OGG1: variants seen among roughly 807,000 people sequenced by gnomAD.
The protein encoded by OGG1 is 8-oxoguanine DNA glycosylase.
Under a neutral mutation model 42.3 loss-of-function variants are expected in OGG1, and 35 were observed. The ratio of observed to expected loss-of-function variants is 0.83; its 90% confidence interval spans 0.63 to 1.10. OGG1 has a LOEUF of 1.10. Among genes scored for constraint, OGG1 ranks in the 50% least tolerant of loss-of-function variants. The probability of loss-of-function intolerance (pLI) is 0.00; values close to 1 mark genes in which losing one functional copy is unlikely to be tolerated. For synonymous variants in OGG1, 189 were observed against 179.0 expected (o/e 1.06, Z -0.44); for missense variants, 484 against 446.7 (o/e 1.08, Z -0.75).
chr3:9,760,609 A>G (rs1279172100), downstream of OGG1: 1 of 1,599,196 alleles, frequency 6.3e-7, no homozygotes, highest in Non-Finnish European at 8.6e-7. Context: ...CAGGTGAGGG[A>G]GGAACCAGAG....
rs957507460 is a variant in OGG1 at position 9,787,454 on chromosome 3, G to C, written c.383-274G>C. The C allele has an allele frequency of 4.2e-6, 6 of 1,411,918 alleles. No homozygotes were observed. The African/African-American group carries it at 5.8e-5, about 14-fold the overall frequency. The allele number at this position is 1,411,918 out of a possible 1,614,324, so 87.5% of individuals were successfully genotyped here. On this transcript the variant is annotated intron_variant, in intron 3 of 3. Coordinates refer to the OGG1 transcript ENST00000426518. ...TCTCAAGTCCCTAGTCCAAGGCCAA[G>C]CCCAGTGTCAGGTGTAGGTAAGAAA...
At chr3:9,783,263 G>A (rs1414751484) in intron 3 of OGG1, 1 of 150,976 alleles carries the variant, frequency 6.6e-6, no homozygotes, top group African/African-American at 2.4e-5. Flanking sequence ...ACAACAATGT[G>A]AATATGGGTA....
At chr3:9,787,415 C>A in intron 3 of OGG1, 1 of 1,525,982 alleles carries the variant, frequency 6.6e-7, no homozygotes, top group Non-Finnish European at 8.8e-7. Context: ...ATTCACTTAC[C>A]TATCTTATAT....
At chr3:9,772,829 C>T (rs915349345) in intron 2 of OGG1, among the ~76,000 whole-genome samples, 1 of 152,198 alleles carries the variant, frequency 6.6e-6, no homozygotes, top group Non-Finnish European at 1.5e-5. Context: ...ACACTCTCAG[C>T]CGGGCCCCCA....
At chr3:9,756,644 G>A (rs201514979) in intron 5 of OGG1, 23 bp downstream of exon 5, 20 of 1,612,422 alleles carry the variant, frequency 1.2e-5, no homozygotes, top group Admixed American at 1.7e-5. Context: ...GGCTGCAGGG[G>A]CTGGCAGTGG....
At chr3:9,759,897 C>T, downstream of OGG1, 1 of 1,325,506 alleles carries the variant, frequency 7.5e-7, no homozygotes, top group Non-Finnish European at 1.0e-6. Flanking sequence ...AACCTATGCT[C>T]TTCTTCAGGC....
At position 9,756,509 on chromosome 3, in the gene OGG1, C is replaced by T. The variant is rs1447571927; in HGVS notation, c.786C>T (p.Pro262=). 6.8e-6 allele frequency: 11 copies of T among 1,614,026 alleles called. No individual in the cohort carries two copies. In the South Asian group the frequency reaches 1.2e-4, roughly 18 times the overall value. The change falls in exon 5 of 7, where the codon CCC becomes CCT. Residue 262 remains proline (P), a synonymous_variant. Transcript: ENST00000344629. ...DCICLMALDK[P]QAVPVDVHMW... is the part of the protein sequence containing the mutation. ...TCTGCCTGATGGCCCTAGACAAGCC[C>T]CAGGCTGTGCCCGTGGATGTCCATA...
downstream of OGG1, chr3:9,769,905 C>G (rs2078265150): frequency 6.6e-6 from 1 of 152,240 alleles, no homozygotes; most frequent in Admixed American, 6.5e-5. Context: ...GCGGTCCTCA[C>G]CGCTGCGTGC....
chr3:9,789,386 G>T (rs933953843), downstream of OGG1: 27 of 846,348 alleles, frequency 3.2e-5, no homozygotes, highest in African/African-American at 4.3e-4. Context: ...CACTGATGGA[G>T]CAGACAGCAG....
At chr3:9,772,279 A>G (rs561169146) in intron 2 of OGG1, among the ~76,000 whole-genome samples, 3 of 152,320 alleles carry the variant, frequency 2.0e-5, no homozygotes, top group Middle Eastern at 3.4e-3. Flanking sequence ...TCCATAATGT[A>G]TTGAAAACAC....
intron 3 of OGG1, among the ~76,000 whole-genome samples, chr3:9,752,505 G>T (rs1305643498): frequency 2.1e-5 from 3 of 139,598 alleles, no homozygotes; most frequent in Non-Finnish European, 4.5e-5. Flanking sequence ...TCTCCAGCCT[G>T]GGCAACAGAG....
intron 2 of OGG1, among the ~76,000 whole-genome samples, chr3:9,779,222 T>C (rs2078406637): frequency 6.6e-6 from 1 of 152,214 alleles, no homozygotes; most frequent in South Asian, 2.1e-4. Flanking sequence ...AACTCCACTC[T>C]GACTGGCATA....
chr3:9,758,763 G>C (rs1261255503), downstream of OGG1: 1 of 203,924 alleles, frequency 4.9e-6, no homozygotes, highest in African/African-American at 2.4e-5. Context: ...CCAAGTAGCT[G>C]GGATTACAGG....
At chr3:9,759,732 T>C, downstream of OGG1, 1 of 1,614,138 alleles carries the variant, frequency 6.2e-7, no homozygotes, top group Non-Finnish European at 8.5e-7. Context: ...CTCCATCAAG[T>C]GCCGGATGAA....
downstream of OGG1, among the ~76,000 whole-genome samples, chr3:9,768,583 C>T (rs2078220830): frequency 6.6e-6 from 1 of 152,226 alleles, no homozygotes; most frequent in African/African-American, 2.4e-5. Flanking sequence ...GACACCTGGC[C>T]TGGGGCCCCC....
downstream of OGG1, chr3:9,760,959 C>G: frequency 1.2e-6 from 1 of 809,688 alleles, no homozygotes; most frequent in South Asian, 1.8e-5. Flanking sequence ...GTGCCGCCAT[C>G]TTGCCCTCCT....
chr3:9,762,857 G>T (rs917398237), intron 7 of OGG1: 35 of 1,577,298 alleles, frequency 2.2e-5, no homozygotes, highest in Non-Finnish European at 3.0e-5. Context: ...ACAGTTTGGG[G>T]TTTGCAAAGG....
At position 9,787,076 on chromosome 3, in the gene OGG1, T is replaced by C. The variant is rs774065513; in HGVS notation, c.383-652T>C. The stretch of plus-strand genomic sequence containing the variant: ...GCATCCATCTTCCGGCTGTTCATGC[T>C]GGGCCTCAGACTTCTTCAGCAGGGC... On this transcript the variant is annotated intron_variant, in intron 3 of 3. Coordinates refer to the OGG1 transcript ENST00000426518. The C allele has an allele frequency of 1.2e-6, 2 of 1,614,234 alleles. No homozygotes were observed. The highest frequency in any genetic ancestry group is 2.2e-5 in the South Asian group (2 of 91,084).
downstream of OGG1, chr3:9,757,494 C>G (rs377262589): frequency 1.7e-4 from 274 of 1,604,176 alleles, no homozygotes; most frequent in Middle Eastern, 1.4e-3. The surrounding 1 kb of genome is among the most constrained non-coding windows in gnomAD (Gnocchi z 4.5). Flanking sequence ...GCAGGCTGCC[C>G]CCAAGCCCTC....
Sources: allele counts gnomAD v4.1 joint callset (sites outside exome capture counted in the v4.1 genomes callset), GRCh38; gene constraint gnomAD v4.1.1; non-coding constraint Gnocchi (gnomAD v3.1); transcripts MANE v1.5; gene names NCBI Gene and HGNC (gene_info 2026-07-23, HGNC 2026-07-21).